The following COL10A1 variants were observed in gnomAD, a reference collection of about 807,000 sequenced individuals.
COL10A1 encodes collagen type X alpha 1 chain, also known as collagen alpha-1(X) chain.
A neutral mutation model predicts 18.2 loss-of-function variants in COL10A1; 10 were observed. That is an observed-to-expected ratio of 0.55 (90% CI 0.34 to 0.93). COL10A1 has a LOEUF of 0.93. Ranked by LOEUF, COL10A1 falls within the 40% of genes least tolerant of loss-of-function variation. The pLI, the probability that COL10A1 is intolerant of heterozygous loss-of-function variation, is 0.02. For synonymous variants in COL10A1, 330 were observed against 316.6 expected (o/e 1.04, Z -0.45); for missense variants, 897 against 853.5 (o/e 1.05, Z -0.64).
chr6:116,189,586 C>G, the COL10A1 span, among the ~76,000 whole-genome samples: 1 of 151,884 alleles, frequency 6.6e-6, no homozygotes, highest in Non-Finnish European at 1.5e-5. Context: ...TACTGGTTCT[C>G]TATAGTTCTT....
rs1208427941 is a variant in COL10A1, at chr6:116,121,299, C to G, written c.817G>C (p.Gly273Arg). ...IGKPGAAGAP[G>R]QPGIPGTKGL... ...TTTGTTCCTGGAATCCCTGGCTGGCCTGGGGCTCCAGCAGCTCCTGGCTTT... is the reference window on the plus strand; with the variant it reads ...TTTGTTCCTGGAATCCCTGGCTGGCGTGGGGCTCCAGCAGCTCCTGGCTTT... The change falls in exon 3 of 3, where the codon GGC becomes CGC. Residue 273 changes from glycine (G) to arginine (R), a missense_variant. By Grantham distance (125) the Gly-to-Arg change is moderately radical. Transcript: ENST00000651968. 1 of 1,614,038 alleles carries G rather than the reference C, an allele frequency of 6.2e-7. No individual in the cohort carries two copies. The highest frequency in any genetic ancestry group is 1.1e-5 in the South Asian group (1 of 91,070).
upstream of COL10A1, among the ~76,000 whole-genome samples, chr6:116,129,220 A>G (rs1779403924): frequency 6.6e-6 from 1 of 152,220 alleles, no homozygotes; most frequent in African/African-American, 2.4e-5. Flanking sequence ...AGACATGTAT[A>G]TACACAAACA....
At chr6:116,160,098 T>A (rs986562342), upstream of COL10A1, among the ~76,000 whole-genome samples, 31 of 152,330 alleles carry the variant, frequency 2.0e-4, no homozygotes, top group African/African-American at 7.0e-4. Flanking sequence ...ATCTTTTTGA[T>A]AAAATGATTT....
At chr6:116,138,376 G>A (rs1046767258) in intron 1 of COL10A1, among the ~76,000 whole-genome samples, 1 of 152,188 alleles carries the variant, frequency 6.6e-6, no homozygotes, top group African/African-American at 2.4e-5. Flanking sequence ...GAACTACTGT[G>A]TTGGCTATTC....
At chr6:116,151,709 T>C (rs889641079) in intron 1 of COL10A1, among the ~76,000 whole-genome samples, 1 of 152,214 alleles carries the variant, frequency 6.6e-6, no homozygotes, top group African/African-American at 2.4e-5. Context: ...TTCCCACTTA[T>C]AATGGGAATT....
the COL10A1 span, among the ~76,000 whole-genome samples, chr6:116,173,870 G>A: frequency 6.6e-6 from 1 of 152,090 alleles, no homozygotes; most frequent in Non-Finnish European, 1.5e-5. Flanking sequence ...ACTTCATTTA[G>A]CTTCTACCAG....
chr6:116,159,523 A>T (rs1780281145), upstream of COL10A1, among the ~76,000 whole-genome samples: 1 of 152,154 alleles, frequency 6.6e-6, no homozygotes, highest in African/African-American at 2.4e-5. Context: ...GGTATTCTGG[A>T]TGTCATGTGA....
At chr6:116,129,191 G>A (rs1779401885), upstream of COL10A1, among the ~76,000 whole-genome samples, 1 of 151,998 alleles carries the variant, frequency 6.6e-6, no homozygotes. Context: ...ATCAAATCCT[G>A]TAGTTCACAT....
rs778135685 is a variant in COL10A1 at position 116,120,347 on chromosome 6, G to A, written c.1769C>T (p.Thr590Ile). The change falls in exon 3 of 3, where the codon ACT (threonine) becomes ATT (isoleucine). Residue 590 changes from threonine to isoleucine, a missense_variant. Coordinates refer to ENST00000651968, the MANE Select transcript of COL10A1 (RefSeq NM_000493.4). ...ATAGTATATTCCTGGTATCTGACAAGTAAAGATTCCAGTCCTTGGGTCATA... is the reference window on the plus strand; with the variant it reads ...ATAGTATATTCCTGGTATCTGACAAATAAAGATTCCAGTCCTTGGGTCATA... Reference protein sequence around the residue: ...QHYDPRTGIFTCQIPGIYYFS... With the variant: ...QHYDPRTGIFICQIPGIYYFS... The A allele has an allele frequency of 1.2e-6, 2 of 1,614,212 alleles. No homozygotes were observed. The highest frequency in any genetic ancestry group is 1.3e-5 in the African/African-American group (1 of 75,048).
intron 1 of COL10A1, among the ~76,000 whole-genome samples, chr6:116,150,300 T>C (rs1214799617): frequency 6.6e-6 from 1 of 152,082 alleles, no homozygotes; most frequent in African/African-American, 2.4e-5. Context: ...AATTATTATT[T>C]TTTCAGACAA....
At chr6:116,158,399 A>G (rs776886633) in intron 1 of COL10A1, among the ~76,000 whole-genome samples, 4 of 152,094 alleles carry the variant, frequency 2.6e-5, no homozygotes, top group Non-Finnish European at 5.9e-5. Flanking sequence ...TTTATAAATG[A>G]TTTACTTTTT....
chr6:116,141,759 GT>G (rs556953268), intron 1 of COL10A1, among the ~76,000 whole-genome samples: 65 of 138,390 alleles, frequency 4.7e-4, no homozygotes, highest in South Asian at 7.0e-4. Flanking sequence ...TTCTTCTTTT[GT>G]TTTTTTTTTT....
the COL10A1 span, among the ~76,000 whole-genome samples, chr6:116,187,160 C>T: frequency 2.6e-5 from 4 of 152,132 alleles, no homozygotes; most frequent in Non-Finnish European, 5.9e-5. Context: ...AGCAGAGCTA[C>T]TGGGCTTTGA....
At chr6:116,188,782 TG>T in the COL10A1 span, among the ~76,000 whole-genome samples, 1 of 151,948 alleles carries the variant, frequency 6.6e-6, no homozygotes, top group Admixed American at 6.6e-5. Flanking sequence ...TTATGTTTTT[TG>T]TCTTTTCTAT....
chr6:116,160,499 C>T (rs753916952), upstream of COL10A1, among the ~76,000 whole-genome samples: 1 of 151,936 alleles, frequency 6.6e-6, no homozygotes, highest in Non-Finnish European at 1.5e-5. Context: ...TGTTTAACTT[C>T]TTTACAGATT....
At chr6:116,152,491 G>A (rs755535160) in intron 1 of COL10A1, among the ~76,000 whole-genome samples, 5 of 152,082 alleles carry the variant, frequency 3.3e-5, no homozygotes, top group Admixed American at 1.3e-4. Flanking sequence ...CTACCCCACC[G>A]TGCCAGAGAA....
chr6:116,163,135 A>T (rs1190196389), upstream of COL10A1, among the ~76,000 whole-genome samples: 4 of 98,572 alleles, frequency 4.1e-5, no homozygotes, highest in Admixed American at 1.9e-4. Flanking sequence ...TCAAAAAAAA[A>T]AAAAAAATAT....
chr6:116,155,841 A>G (rs546993241), intron 1 of COL10A1, among the ~76,000 whole-genome samples: 1 of 152,146 alleles, frequency 6.6e-6, no homozygotes, highest in East Asian at 1.9e-4. Context: ...AAGAGCAGAT[A>G]CAGAGCTTAT....
the COL10A1 span, among the ~76,000 whole-genome samples, chr6:116,190,735 A>G: frequency 6.6e-6 from 1 of 152,044 alleles, no homozygotes; most frequent in Admixed American, 6.6e-5. Flanking sequence ...TGACAACTGA[A>G]CTGTGAGAGT....
Sources: gnomAD v4.1 joint callset for allele counts (sites outside exome capture counted in the v4.1 genomes callset) on GRCh38, gnomAD v4.1.1 for gene constraint, MANE v1.5 for transcripts, NCBI Gene and HGNC (gene_info 2026-07-23, HGNC 2026-07-21) for gene names.